Variants in RPAP1 observed in about 807,000 individuals in gnomAD.
RPAP1 encodes RNA polymerase II-associated protein 1.
RPAP1 carries 109 observed loss-of-function variants against 142.4 expected under a neutral mutation model. The ratio of observed to expected loss-of-function variants is 0.77; its 90% CI spans 0.66 to 0.90. The LOEUF (loss-of-function observed/expected upper bound fraction) is 0.90, where lower values mean the gene tolerates loss of function less well. RPAP1 is among the 40% of genes least tolerant of loss of function. The pLI is 0.00. For synonymous variants in RPAP1, 704 were observed against 738.9 expected, an observed-to-expected ratio of 0.95 and a Z score of 0.77; for missense variants, 1,546 against 1,751.7, an observed-to-expected ratio of 0.88 and a Z score of 2.10.
chr15:41,520,499 C>T lies in RPAP1; in HGVS notation c.3687G>A (p.Gly1229=). The part of the protein sequence containing the change: ...EAVSFGDHLF[G]ALVLLPLQRR... ...GCTGCAGGGGCAGGAGGACCAGGGC[C>T]CCAAAGAGGTGGTCCCCAAAAGAGA... The change falls in exon 22 of 25, where the codon GGG becomes GGA. Residue 1229 remains glycine (G), a synonymous_variant. Transcript: ENST00000304330. The T allele has an allele frequency of 6.2e-7, 1 of 1,614,098 alleles. No individual in the cohort carries two copies. The highest frequency in any genetic ancestry group is 8.5e-7 in the Non-Finnish European group (1 of 1,179,996).
intron 1 of RPAP1, among the ~76,000 whole-genome samples, chr15:41,537,492 TG>T (rs988696607): frequency 9.9e-5 from 15 of 152,028 alleles, no homozygotes; most frequent in Non-Finnish European, 1.2e-4. Flanking sequence ...GTTGTCATAA[TG>T]GGGGGGTGAT....
Position 41,517,216 on chromosome 15 carries a change from T to G in RPAP1, c.*326A>C, listed in dbSNP as rs1307318548. 4.7e-6 allele frequency: 1 copy of G among 211,792 alleles called. No homozygotes were observed. Among genetic ancestry groups the G allele is most frequent in the African/African-American group, 2.3e-5 (1 of 43,514 alleles). The allele number at this position is 211,792 out of a possible 1,614,324, so 13.1% of individuals were successfully genotyped here. On this transcript the variant is annotated 3_prime_UTR_variant, in exon 25 of 25. Transcript: ENST00000304330. Reference sequence around the variant, plus strand: ...AAACATTTATTTTAATGCACAACTATAGCATTCATATGCCTCAGCCCAGGG... The same window carrying G: ...AAACATTTATTTTAATGCACAACTAGAGCATTCATATGCCTCAGCCCAGGG...
chr15:41,524,281 A>G (rs1325587443), intron 15 of RPAP1, 27 bp from the exon 16 acceptor site: 2 of 1,506,358 alleles, frequency 1.3e-6, no homozygotes, highest in East Asian at 4.6e-5. Context: ...ACTGATTTTC[A>G]CTGTATGAAA....
At chr15:41,527,789 G>T (rs1165400433) in intron 11 of RPAP1, 71 bp downstream of exon 11, 1 of 1,579,690 alleles carries the variant, frequency 6.3e-7, no homozygotes, top group Non-Finnish European at 8.6e-7. Context: ...TAGCAATGGG[G>T]CCATGCCCAG....
chr15:41,529,429 G>A, intron 9 of RPAP1, 41 bp downstream of exon 9: 1 of 1,357,650 alleles, frequency 7.4e-7, no homozygotes, highest in Non-Finnish European at 1.0e-6. Flanking sequence ...CCATGGGGTT[G>A]TTAAAAGAGC....
chr15:41,530,926 A>G (rs1306751548), intron 7 of RPAP1, 97 bp downstream of exon 7: 2 of 1,234,858 alleles, frequency 1.6e-6, no homozygotes, highest in Non-Finnish European at 2.3e-6. Context: ...GTCCAAAAGC[A>G]CAGAAGCTTC....
At chr15:41,520,213 C>G in intron 22 of RPAP1, 178 bp downstream of exon 22, 1 of 685,788 alleles carries the variant, frequency 1.5e-6, no homozygotes, top group South Asian at 1.9e-5. Flanking sequence ...GAATTACAGG[C>G]GTGAGCCACC....
rs760737291 is a variant in RPAP1, at chr15:41,522,963, G to A, written c.2547-3C>T. On this transcript the variant is annotated splice_region_variant and splice_polypyrimidine_tract_variant and intron_variant, in intron 18 of 24. Transcript: ENST00000304330. ...GGTTGCAGAGAAGGGAGCAGTGCCT[G>A]TAGGTGAAGTGGAGAGTCTGAGGGG... is the stretch of plus-strand genomic sequence containing the variant. The A allele has an allele frequency of 7.9e-6, 12 of 1,524,328 alleles. No homozygotes were observed. In the East Asian group the frequency reaches 2.4e-4, roughly 31 times the overall value. 94.4% of individuals were successfully genotyped at this position (1,524,328 alleles called of 1,614,324 possible). A position where few individuals can be genotyped will look rare whatever the true frequency, so the allele number is the denominator to read the frequency against.
chr15:41,527,776 C>T (rs1480268079), intron 11 of RPAP1, 84 bp downstream of exon 11: 1 of 1,558,292 alleles, frequency 6.4e-7, no homozygotes, highest in African/African-American at 1.4e-5. Context: ...GCCCGCAAAG[C>T]CTTAGCAATG....
At position 41,525,184 on chromosome 15, in the gene RPAP1, TG is replaced by T. The variant is rs1343456152; in HGVS notation, c.1918-37del. 3.8e-6 allele frequency: 6 copies of T among 1,560,532 alleles called. No homozygotes were observed. The African/African-American group carries it at 8.2e-5, about 21-fold the overall frequency. On this transcript the variant is annotated intron_variant, in intron 14 of 24. Transcript: ENST00000304330. ...GCACAGTCTGAGGATCAGGGTCAGC[TG>T]TGAGTCTCAAGTCCAGCTACTCTCA...
At chr15:41,523,648 A>C (rs1404191881) in intron 17 of RPAP1, 123 bp downstream of exon 17, 7 of 892,714 alleles carry the variant, frequency 7.8e-6, no homozygotes, top group Non-Finnish European at 1.0e-5. Flanking sequence ...GTAGGAATTA[A>C]AAGGGAAGAT....
Position 41,517,414 on chromosome 15 carries a change from G to A in RPAP1, c.*128C>T. 1 of 875,126 alleles carries A rather than the reference G, an allele frequency of 1.1e-6. No individual in the cohort carries two copies. The highest frequency in any genetic ancestry group is 1.7e-6 in the Non-Finnish European group (1 of 575,094). The allele number at this position is 875,126 out of a possible 1,614,324, so 54.2% of individuals were successfully genotyped here. ...AACAGCTCAAACAACCTGCTCCCAGGAAGGCAAGCCTTCTGCTCCTTGGTC... is the reference window on the plus strand; with the variant it reads ...AACAGCTCAAACAACCTGCTCCCAGAAAGGCAAGCCTTCTGCTCCTTGGTC... On this transcript the variant is annotated 3_prime_UTR_variant, in exon 25 of 25. Transcript: ENST00000304330.
At chr15:41,524,353 G>A in intron 15 of RPAP1, 99 bp from the exon 16 acceptor site, 2 of 1,051,734 alleles carry the variant, frequency 1.9e-6, no homozygotes, top group Non-Finnish European at 2.6e-6. Flanking sequence ...TTTGATAAAG[G>A]AGGATGAGGA....
chr15:41,532,115 G>A (rs986810508), intron 6 of RPAP1, among the ~76,000 whole-genome samples: 4 of 150,716 alleles, frequency 2.7e-5, no homozygotes, highest in African/African-American at 7.3e-5. Context: ...TCCGCCTCCC[G>A]GGTTCAAGTG....
intron 4 of RPAP1, 66 bp from the exon 5 acceptor site, chr15:41,535,698 A>T (rs902116828): frequency 7.6e-6 from 12 of 1,576,700 alleles, no homozygotes; most frequent in Non-Finnish European, 9.4e-6. Flanking sequence ...CAACCTCTTT[A>T]TATCAAGGCC....
intron 9 of RPAP1, among the ~76,000 whole-genome samples, chr15:41,528,680 C>A (rs1007457149): frequency 1.3e-5 from 2 of 152,006 alleles, no homozygotes; most frequent in African/African-American, 4.8e-5. Context: ...TCCTGGAGGG[C>A]CCTGAGCACA....
At chr15:41,525,616 T>A (rs1256179465) in intron 14 of RPAP1, among the ~76,000 whole-genome samples, 1 of 151,916 alleles carries the variant, frequency 6.6e-6, no homozygotes, top group Non-Finnish European at 1.5e-5. Flanking sequence ...GGATTACAGG[T>A]GTGAGCCACC....
intron 10 of RPAP1, 67 bp downstream of exon 10, chr15:41,528,168 G>T: frequency 1.3e-6 from 2 of 1,514,660 alleles, no homozygotes; most frequent in Non-Finnish European, 9.0e-7. Context: ...AAGGGCAGGA[G>T]ATGGGGAAGT....
At chr15:41,532,664 T>C (rs566333139) in intron 6 of RPAP1, among the ~76,000 whole-genome samples, 1 of 151,972 alleles carries the variant, frequency 6.6e-6, no homozygotes, top group East Asian at 1.9e-4. Context: ...CAGTTATACA[T>C]AGCACAGTGG....
Sources: gnomAD v4.1 joint callset for allele counts (sites outside exome capture counted in the v4.1 genomes callset) on GRCh38, gnomAD v4.1.1 for gene constraint, MANE v1.5 for transcripts, NCBI Gene and HGNC (gene_info 2026-07-23, HGNC 2026-07-21) for gene names.